RTN1: variants seen among roughly 807,000 people sequenced by gnomAD.
RTN1 encodes reticulon 1.
In RTN1, 25 loss-of-function variants were observed where a neutral mutation model predicts 65.5. The ratio of observed to expected loss-of-function variants is 0.38; its 90% CI spans 0.28 to 0.53. The LOEUF is 0.53. Among genes scored for constraint, RTN1 ranks in the 20% least tolerant of loss-of-function variants. The pLI, the probability that RTN1 is intolerant of heterozygous loss-of-function variation, is 0.79. For synonymous variants in RTN1, 471 were observed against 447.6 expected, an observed-to-expected ratio of 1.05 and a Z score of -0.66; for missense variants, 983 against 1,025.4, an observed-to-expected ratio of 0.96 and a Z score of 0.57.
At chr14:59,793,636 C>CACCACACACACACA (rs771792171) in intron 1 of RTN1, among the ~76,000 whole-genome samples, 8 of 144,216 alleles carry the variant, frequency 5.5e-5, no homozygotes, top group African/African-American at 1.8e-4. Flanking sequence ...CAGGCACACA[C>CACCACACACACACA]CACACACACA....
At chr14:59,865,073 A>C (rs1887775358) in intron 1 of RTN1, among the ~76,000 whole-genome samples, 1 of 152,160 alleles carries the variant, frequency 6.6e-6, no homozygotes, top group Non-Finnish European at 1.5e-5. Flanking sequence ...CAAAATCTGA[A>C]AAAGAGGGAA....
rs1887004279 is a variant in RTN1 at position 59,824,940 on chromosome 14, G to A, written c.241+45450C>T. 2.0e-5 allele frequency among the ~76,000 whole-genome samples: 3 copies of A among 152,170 alleles called. 1 individual carries two copies. The South Asian group carries it at 6.2e-4, about 32-fold the overall frequency. ...CTTATATGTAGAATCTTAAAAAGCT[G>A]AACTCATAGAAGCAGAGAGTAGAAT... On this transcript the variant is annotated intron_variant, in intron 1 of 8. Coordinates refer to ENST00000267484, the MANE Select transcript of RTN1 (RefSeq NM_021136.3).
intron 3 of RTN1, among the ~76,000 whole-genome samples, chr14:59,689,451 C>A (rs569925483): frequency 6.6e-6 from 1 of 152,196 alleles, no homozygotes; most frequent in South Asian, 2.1e-4. Flanking sequence ...TACGAGAAAT[C>A]CAGACAACAC....
chr14:59,869,474 G>T (rs1594774179), intron 1 of RTN1, among the ~76,000 whole-genome samples: 1 of 151,298 alleles, frequency 6.6e-6, no homozygotes, highest in East Asian at 2.0e-4. Context: ...TGGATCCTTT[G>T]ACCAGGATGC....
chr14:59,667,805 C>T (rs1256491491), intron 3 of RTN1, among the ~76,000 whole-genome samples: 1 of 152,098 alleles, frequency 6.6e-6, no homozygotes, highest in East Asian at 1.9e-4. Flanking sequence ...AAGCATTCCT[C>T]TACACCATTA....
chr14:59,613,456 G>T (rs193141357), intron 3 of RTN1, among the ~76,000 whole-genome samples: 24 of 152,018 alleles, frequency 1.6e-4, no homozygotes, highest in African/African-American at 5.5e-4. Flanking sequence ...GCGCAAACAC[G>T]CCTGCATAAT....
At chr14:59,667,096 C>T (rs1268802973) in intron 3 of RTN1, among the ~76,000 whole-genome samples, 7 of 152,000 alleles carry the variant, frequency 4.6e-5, no homozygotes, top group Admixed American at 3.9e-4. Context: ...GGAATCCTCC[C>T]TAACTCATTT....
chr14:59,688,856 CG>C (rs1372136058), intron 3 of RTN1, among the ~76,000 whole-genome samples: 4 of 152,014 alleles, frequency 2.6e-5, no homozygotes, highest in African/African-American at 9.7e-5. Context: ...AAATTAGAAA[CG>C]CCAGCATTTC....
chr14:59,637,442 G>A lies in RTN1; in HGVS notation c.1766-29950C>T, dbSNP rs767780419. Among the ~76,000 whole-genome samples, 5 of 152,152 alleles carry A rather than the reference G, an allele frequency of 3.3e-5. No homozygotes were observed. In the East Asian group the frequency reaches 7.7e-4, roughly 24 times the overall value. On this transcript the variant is annotated intron_variant, in intron 3 of 8. Coordinates refer to ENST00000267484, the MANE Select transcript of RTN1 (RefSeq NM_021136.3). ...ATAAAGATTGGAATCAGCCAGGCACGGTGGCTTACGCCTGTAATCCCAGCA... is the reference window on the plus strand; with the variant it reads ...ATAAAGATTGGAATCAGCCAGGCACAGTGGCTTACGCCTGTAATCCCAGCA...
chr14:59,676,257 A>G (rs528525330), intron 3 of RTN1, among the ~76,000 whole-genome samples: 2 of 152,262 alleles, frequency 1.3e-5, no homozygotes, highest in Admixed American at 6.5e-5. Context: ...TAGTTTTTGC[A>G]CAGAAGCTGT....
chr14:59,792,296 T>G (rs1035403915), intron 1 of RTN1, among the ~76,000 whole-genome samples: 1 of 151,708 alleles, frequency 6.6e-6, no homozygotes, highest in Non-Finnish European at 1.5e-5. Flanking sequence ...CTAAGTAAGT[T>G]TTGCTCTTCA....
chr14:59,673,727 A>G (rs1294268623), intron 3 of RTN1, among the ~76,000 whole-genome samples: 1 of 152,140 alleles, frequency 6.6e-6, no homozygotes, highest in African/African-American at 2.4e-5. Context: ...ATGGGCACAG[A>G]GGTCCTCGCT....
chr14:59,650,424 T>C (rs1229481138), intron 3 of RTN1, among the ~76,000 whole-genome samples: 1 of 152,046 alleles, frequency 6.6e-6, no homozygotes. Flanking sequence ...AACTAAAAAA[T>C]AAAATAAAAT....
At chr14:59,647,759 C>T (rs57261584) in intron 3 of RTN1, among the ~76,000 whole-genome samples, 53,833 of 151,922 alleles carry the variant, frequency 0.35, 11,270 homozygotes, top group East Asian at 0.47. Flanking sequence ...ATACAACATA[C>T]CAGAATCTCT....
chr14:59,647,134 G>GA (rs1291507497), intron 3 of RTN1: 1 of 152,024 alleles, frequency 6.6e-6, no homozygotes. Flanking sequence ...ATGGAAAACA[G>GA]AAAAAAGCAG....
At chr14:59,784,776 G>T (rs1028935076) in intron 1 of RTN1, among the ~76,000 whole-genome samples, 2 of 152,134 alleles carry the variant, frequency 1.3e-5, no homozygotes, top group Non-Finnish European at 2.9e-5. Flanking sequence ...TTGTAGTTAA[G>T]TATAATAACT....
intron 1 of RTN1, among the ~76,000 whole-genome samples, chr14:59,792,401 T>G (rs1886365117): frequency 7.0e-6 from 1 of 143,816 alleles, no homozygotes; most frequent in African/African-American, 2.8e-5. Flanking sequence ...ACACACATTC[T>G]GAGGTAACAG....
chr14:59,658,520 G>A lies in RTN1; in HGVS notation c.1766-51028C>T, dbSNP rs562315698. ...CATCTGGTGGGTGCCCCTCTGGGAC[G>A]AAGCTTCCAGAGGAAGGAACAGGCA... On this transcript the variant is annotated intron_variant, in intron 3 of 8. Coordinates refer to ENST00000267484, the MANE Select transcript of RTN1 (RefSeq NM_021136.3). Among the ~76,000 whole-genome samples, 79 of 152,298 alleles carry A rather than the reference G, an allele frequency of 5.2e-4. 1 individual carries two copies. The highest frequency in any genetic ancestry group is 1.1e-3 in the Non-Finnish European group (73 of 68,012).
intron 1 of RTN1, among the ~76,000 whole-genome samples, chr14:59,860,616 A>G (rs1414261771): frequency 6.6e-6 from 1 of 152,198 alleles, no homozygotes; most frequent in Non-Finnish European, 1.5e-5. Flanking sequence ...TGTGCCTGGA[A>G]AAGCCACAGG....
Sources: gnomAD v4.1 joint callset for allele counts (sites outside exome capture counted in the v4.1 genomes callset) on GRCh38, gnomAD v4.1.1 for gene constraint, MANE v1.5 for transcripts, NCBI Gene and HGNC (gene_info 2026-07-23, HGNC 2026-07-21) for gene names.